JAZF1: variants seen among roughly 807,000 people sequenced by gnomAD.
JAZF1 encodes the protein JAZF zinc finger 1.
JAZF1 carries 8 observed loss-of-function variants against 26.4 expected under a neutral mutation model. The ratio of observed to expected loss-of-function variants is 0.30; its 90% CI spans 0.18 to 0.55. The LOEUF (loss-of-function observed/expected upper bound fraction) is 0.55. Among genes scored for constraint, JAZF1 ranks in the 20% least tolerant of loss-of-function variants. The pLI, the probability that JAZF1 is intolerant of heterozygous loss-of-function variation, is 0.94. For synonymous variants in JAZF1, 126 were observed against 122.3 expected, an observed-to-expected ratio of 1.03 and a Z score of -0.20; for missense variants, 199 against 322.0, an observed-to-expected ratio of 0.62 and a Z score of 2.92.
chr7:27,944,310 G>A (rs1042886044), intron 2 of JAZF1, among the ~76,000 whole-genome samples: 6 of 152,224 alleles, frequency 3.9e-5, no homozygotes, highest in Admixed American at 2.0e-4. Context: ...TGGCTCAAAG[G>A]CTGTGTCTAC....
intron 1 of JAZF1, among the ~76,000 whole-genome samples, chr7:28,081,569 C>T (rs536085457): frequency 2.6e-5 from 4 of 152,268 alleles, no homozygotes; most frequent in East Asian, 3.9e-4. Flanking sequence ...ACAGTGTCCA[C>T]GCACTTGGAC....
chr7:27,967,675 A>G (rs991719535), intron 2 of JAZF1, among the ~76,000 whole-genome samples: 1 of 152,220 alleles, frequency 6.6e-6, no homozygotes, highest in African/African-American at 2.4e-5. Flanking sequence ...TTTGTTGATA[A>G]ATTCCTGGTG....
chr7:28,115,824 T>C (rs772337173), intron 1 of JAZF1, among the ~76,000 whole-genome samples: 1 of 152,138 alleles, frequency 6.6e-6, no homozygotes, highest in African/African-American at 2.4e-5. Flanking sequence ...TGTTTCTTCA[T>C]GTGGATTCAA....
At chr7:28,034,952 G>C (rs937905862) in intron 1 of JAZF1, among the ~76,000 whole-genome samples, 1 of 151,802 alleles carries the variant, frequency 6.6e-6, no homozygotes, top group Non-Finnish European at 1.5e-5. Context: ...AGCAAGATGA[G>C]AACTTACAAC....
chr7:27,884,560 T>A (rs1783826672), intron 3 of JAZF1, among the ~76,000 whole-genome samples: 1 of 152,252 alleles, frequency 6.6e-6, no homozygotes, highest in Non-Finnish European at 1.5e-5. Flanking sequence ...AAGTTAACTA[T>A]GGTACTGATT....
intron 1 of JAZF1, among the ~76,000 whole-genome samples, chr7:28,053,288 G>A (rs1484252274): frequency 6.6e-6 from 1 of 152,164 alleles, no homozygotes; most frequent in Non-Finnish European, 1.5e-5. Flanking sequence ...ATTTCGGCGT[G>A]CAAATATCTC....
intron 1 of JAZF1, among the ~76,000 whole-genome samples, chr7:28,174,673 G>A (rs1380835049): frequency 1.4e-5 from 2 of 143,168 alleles, no homozygotes; most frequent in Non-Finnish European, 3.2e-5. Context: ...TTATGAGACA[G>A]GATGTTCAAC....
At chr7:27,928,938 C>A (rs1286902462) in intron 2 of JAZF1, among the ~76,000 whole-genome samples, 3 of 152,028 alleles carry the variant, frequency 2.0e-5, no homozygotes, top group Admixed American at 6.5e-5. Flanking sequence ...AAAATATGTA[C>A]CCCTGGACTT....
At chr7:27,851,600 G>A (rs941396007) in intron 3 of JAZF1, among the ~76,000 whole-genome samples, 3 of 152,062 alleles carry the variant, frequency 2.0e-5, no homozygotes, top group Non-Finnish European at 4.4e-5. Context: ...TGATAAGTTC[G>A]GGAAGATCAC....
chr7:27,856,417 G>A (rs961339638), intron 3 of JAZF1, among the ~76,000 whole-genome samples: 15 of 152,170 alleles, frequency 9.9e-5, no homozygotes, highest in Non-Finnish European at 1.3e-4. Context: ...TGCAAAGAGC[G>A]AAAGAACAAA....
At chr7:27,958,897 A>G (rs534965182) in intron 2 of JAZF1, among the ~76,000 whole-genome samples, 1 of 152,288 alleles carries the variant, frequency 6.6e-6, no homozygotes, top group African/African-American at 2.4e-5. Flanking sequence ...TGACCTGCTA[A>G]TAGAAATTAG....
chr7:28,065,043 TGACTG>T (rs1164520771), intron 1 of JAZF1, among the ~76,000 whole-genome samples: 1 of 152,182 alleles, frequency 6.6e-6, no homozygotes, highest in Non-Finnish European at 1.5e-5. Context: ...TTTAGGGAAA[TGACTG>T]GATCTTCTTT....
chr7:27,887,011 A>T (rs2128340520), intron 3 of JAZF1, among the ~76,000 whole-genome samples: 1 of 152,340 alleles, frequency 6.6e-6, no homozygotes, highest in East Asian at 1.9e-4. Context: ...CAGAAAACCA[A>T]ATACTGCATG....
chr7:27,876,872 G>A (rs1030232277), intron 3 of JAZF1, among the ~76,000 whole-genome samples: 24 of 152,086 alleles, frequency 1.6e-4, no homozygotes, highest in African/African-American at 4.8e-4. Context: ...CACAATGAGC[G>A]CTCTATACTT....
At chr7:27,948,286 C>T (rs775250028) in intron 2 of JAZF1, among the ~76,000 whole-genome samples, 1 of 152,140 alleles carries the variant, frequency 6.6e-6, no homozygotes, top group Non-Finnish European at 1.5e-5. Context: ...TGCCACGGTG[C>T]TCCAGCTTAT....
At chr7:27,933,427 A>C (rs1191481125) in intron 2 of JAZF1, among the ~76,000 whole-genome samples, 1 of 152,184 alleles carries the variant, frequency 6.6e-6, no homozygotes, top group Admixed American at 6.5e-5. Context: ...CTACAGTAAA[A>C]TCCTTCCTAG....
At chr7:27,943,659 A>G (rs987352608) in intron 2 of JAZF1, among the ~76,000 whole-genome samples, 1 of 152,000 alleles carries the variant, frequency 6.6e-6, no homozygotes, top group African/African-American at 2.4e-5. Context: ...ATTTCTTTCC[A>G]GGGGTACTCA....
chr7:28,026,722 T>C (rs930121325), intron 1 of JAZF1, among the ~76,000 whole-genome samples: 1 of 152,212 alleles, frequency 6.6e-6, no homozygotes, highest in Non-Finnish European at 1.5e-5. Context: ...CAGAACTCTA[T>C]ACCCAGTAGT....
At chr7:27,996,832 A>G (rs1196902807) in intron 1 of JAZF1, among the ~76,000 whole-genome samples, 1 of 152,248 alleles carries the variant, frequency 6.6e-6, no homozygotes, top group East Asian at 1.9e-4. Flanking sequence ...CACTCAGCTC[A>G]GTGCCCTGCA....
Sources: gnomAD v4.1 joint callset for allele counts (sites outside exome capture counted in the v4.1 genomes callset) on GRCh38, gnomAD v4.1.1 for gene constraint, MANE v1.5 for transcripts, NCBI Gene and HGNC (gene_info 2026-07-23, HGNC 2026-07-21) for gene names.